Variants in IPCEF1 observed in about 807,000 individuals in gnomAD.
IPCEF1 encodes the protein interaction protein for cytohesin exchange factors 1, also known as interactor protein for cytohesin exchange factors 1.
IPCEF1 carries 31 observed loss-of-function variants against 50.9 expected under a neutral mutation model. The observed-to-expected ratio is 0.61, with a 90% confidence interval of 0.46 to 0.82. The LOEUF (loss-of-function observed/expected upper bound fraction) is 0.82, where lower values mean the gene tolerates loss of function less well. Among genes scored for constraint, IPCEF1 ranks in the 40% least tolerant of loss-of-function variants. The pLI, the probability that IPCEF1 is intolerant of heterozygous loss-of-function variation, is 0.00. For synonymous variants in IPCEF1, 181 were observed against 192.0 expected, an observed-to-expected ratio of 0.94 and a Z score of 0.47; for missense variants, 458 against 514.0, an observed-to-expected ratio of 0.89 and a Z score of 1.05.
At chr6:154,245,553 T>G (rs1347067912) in intron 5 of IPCEF1, among the ~76,000 whole-genome samples, 1 of 152,224 alleles carries the variant, frequency 6.6e-6, no homozygotes, top group East Asian at 1.9e-4. Context: ...GCAGTACTTA[T>G]TTTGCATTTA....
At chr6:154,326,288 G>A (rs775541011) in intron 1 of IPCEF1, among the ~76,000 whole-genome samples, 2 of 151,340 alleles carry the variant, frequency 1.3e-5, no homozygotes, top group Non-Finnish European at 2.9e-5. Context: ...TACACATTTT[G>A]GCAGATGACA....
intron 5 of IPCEF1, among the ~76,000 whole-genome samples, chr6:154,239,811 C>A (rs1583880792): frequency 6.6e-6 from 1 of 152,188 alleles, no homozygotes; most frequent in Non-Finnish European, 1.5e-5. Context: ...TCAAGCAATT[C>A]TCTTGCCTCA....
intron 2 of IPCEF1, among the ~76,000 whole-genome samples, chr6:154,272,919 A>G (rs1277499557): frequency 1.3e-5 from 2 of 152,248 alleles, no homozygotes; most frequent in Admixed American, 1.3e-4. Flanking sequence ...TATTCATTCA[A>G]CTGATGCAAA....
rs1266107615 is a variant in IPCEF1 at position 154,312,513 on chromosome 6, AT to A, written c.-61-22758del. On this transcript the variant is annotated intron_variant, in intron 1 of 11. Coordinates refer to ENST00000367220, the MANE Select transcript of IPCEF1 (RefSeq NM_001130700.2). ...AGGCACGCACCACCACACCCGGCTA[AT>A]TTTTTGTGTTTTTAGTAGAGACGGG... is the stretch of plus-strand genomic sequence containing the variant. 3.3e-5 allele frequency among the ~76,000 whole-genome samples: 5 copies of A among 151,996 alleles called. No individual in the cohort carries two copies. In the East Asian group the frequency reaches 7.7e-4, roughly 24 times the overall value.
intron 9 of IPCEF1, among the ~76,000 whole-genome samples, chr6:154,201,210 T>C (rs929977071): frequency 1.1e-4 from 16 of 152,232 alleles, no homozygotes; most frequent in African/African-American, 3.9e-4. Flanking sequence ...TCTCTGATAG[T>C]TCTTTACAGA....
intron 5 of IPCEF1, among the ~76,000 whole-genome samples, chr6:154,234,803 T>C (rs1401211196): frequency 6.6e-6 from 1 of 152,228 alleles, no homozygotes; most frequent in African/African-American, 2.4e-5. Context: ...TTTCAGGTAG[T>C]CTGACATACA....
chr6:154,323,269 A>G (rs1266060453), intron 1 of IPCEF1, among the ~76,000 whole-genome samples: 1 of 151,952 alleles, frequency 6.6e-6, no homozygotes, highest in African/African-American at 2.4e-5. Flanking sequence ...GCGCCCCTCA[A>G]CCAATCACTG....
intron 1 of IPCEF1, among the ~76,000 whole-genome samples, chr6:154,336,602 CT>C (rs1181062471): frequency 1.3e-5 from 2 of 151,716 alleles, no homozygotes; most frequent in Non-Finnish European, 2.9e-5. Context: ...GAAAAGTTCT[CT>C]TTTTTTTCTT....
chr6:154,291,716 G>A (rs112580313), intron 1 of IPCEF1, among the ~76,000 whole-genome samples: 22,719 of 124,956 alleles, frequency 0.18, 2,008 homozygotes, highest in Middle Eastern at 0.32. Context: ...ATGGAGTCTC[G>A]CACTCTCGTC....
chr6:154,188,196 T>G (rs1287047607), intron 10 of IPCEF1, among the ~76,000 whole-genome samples: 1 of 152,176 alleles, frequency 6.6e-6, no homozygotes, highest in Non-Finnish European at 1.5e-5. Flanking sequence ...CTAATTGCAT[T>G]CATGTAAACC....
chr6:154,223,297 G>A, intron 5 of IPCEF1, 54 bp from the exon 6 acceptor site: 4 of 1,328,142 alleles, frequency 3.0e-6, no homozygotes, highest in Non-Finnish European at 3.2e-6. Context: ...CTGGGGATTA[G>A]TGCATTGAGA....
chr6:154,216,391 T>C (rs1275247362), intron 7 of IPCEF1, among the ~76,000 whole-genome samples: 1 of 152,158 alleles, frequency 6.6e-6, no homozygotes, highest in Non-Finnish European at 1.5e-5. Context: ...CCTTTGAAAT[T>C]ACAAATTTCC....
intron 2 of IPCEF1, among the ~76,000 whole-genome samples, chr6:154,266,980 C>T (rs937266564): frequency 6.6e-6 from 1 of 152,092 alleles, no homozygotes; most frequent in African/African-American, 2.4e-5. Flanking sequence ...TTGTTTCTTA[C>T]ACCAGTGGAG....
At chr6:154,324,610 C>A (rs1191079110) in intron 1 of IPCEF1, among the ~76,000 whole-genome samples, 1 of 152,070 alleles carries the variant, frequency 6.6e-6, no homozygotes, top group Non-Finnish European at 1.5e-5. Flanking sequence ...GAGTTTGAGA[C>A]CAGCCTGGCC....
chr6:154,250,570 A>C (rs1265485460), intron 3 of IPCEF1, among the ~76,000 whole-genome samples: 1 of 152,242 alleles, frequency 6.6e-6, no homozygotes, highest in Non-Finnish European at 1.5e-5. Context: ...TCACTCAAAA[A>C]CACATGGAAA....
chr6:154,275,670 A>G (rs1782037315), intron 2 of IPCEF1, among the ~76,000 whole-genome samples: 1 of 152,152 alleles, frequency 6.6e-6, no homozygotes, highest in African/African-American at 2.4e-5. Flanking sequence ...CAGTCACTTT[A>G]TTTCTGCTTT....
rs1226211412 is a variant in IPCEF1 at position 154,292,474 on chromosome 6, T to C, written c.-61-2718A>G. Among the ~76,000 whole-genome samples the C allele has an allele frequency of 5.9e-5, 9 of 152,236 alleles. No individual in the cohort carries two copies. In the East Asian group the frequency reaches 1.5e-3, roughly 26 times the overall value. On this transcript the variant is annotated intron_variant, in intron 1 of 11. Transcript: ENST00000367220. ...TGAGGTAGGTTTTTTATTTTGGTCA[T>C]CTTTCCTCTTTTGAATAGAATTTTA...
chr6:154,168,669 A>G lies in IPCEF1; in HGVS notation c.911-556T>C, dbSNP rs1018793729. On this transcript the variant is annotated intron_variant, in intron 10 of 11. Transcript: ENST00000367220. This position sits in a 1 kb window ranked among gnomAD's most constrained non-coding sequence, Gnocchi z 4.1. ...TGCCCAGGCTAAAGTGAAATGGCAC[A>G]ATCTTGGCTCACTGAAACCTACACC... 6.6e-6 allele frequency among the ~76,000 whole-genome samples: 1 copy of G among 152,038 alleles called. No homozygotes were observed. Among genetic ancestry groups the G allele is most frequent in the Admixed American group, 6.6e-5 (1 of 15,260 alleles).
chr6:154,345,170 GGTTCTTTT>G (rs758383938), intron 1 of IPCEF1, among the ~76,000 whole-genome samples: 159 of 152,228 alleles, frequency 1.0e-3, no homozygotes, highest in Non-Finnish European at 1.7e-3. Context: ...GTATCCAGTC[GGTTCTTTT>G]GTTTAATGTT....
Sources: allele counts gnomAD v4.1 joint callset (sites outside exome capture counted in the v4.1 genomes callset), GRCh38; gene constraint gnomAD v4.1.1; non-coding constraint Gnocchi (gnomAD v3.1); transcripts MANE v1.5; gene names NCBI Gene and HGNC (gene_info 2026-07-23, HGNC 2026-07-21).